The following NBPF14 variants were observed in gnomAD, a reference collection of about 807,000 sequenced individuals.
NBPF14 encodes the protein NBPF member 14.
A neutral mutation model predicts 91.2 loss-of-function variants in NBPF14; 104 were observed. The observed-to-expected ratio is 1.14, with a 90% CI of 0.97 to 1.34. The LOEUF (loss-of-function observed/expected upper bound fraction) is 1.34, where lower values mean the gene tolerates loss of function less well. Ranked by LOEUF, NBPF14 falls within the 40% of genes most tolerant of loss-of-function variation. NBPF14 has a pLI of 0.00. For missense variants in NBPF14, 908 were observed against 783.0 expected, an observed-to-expected ratio of 1.16 and a Z score of -1.91; for synonymous variants, 294 against 303.8, an observed-to-expected ratio of 0.97 and a Z score of 0.34.
intron 25 of NBPF14, 46 bp from the exon 26 acceptor site, chr1:148,568,579 TAA>T (rs1658657077): frequency 5.0e-5 from 7 of 140,158 alleles, no homozygotes; most frequent in Middle Eastern, 3.7e-3. Flanking sequence ...CTGGTTCTCC[TAA>T]ACACACATAA....
chr1:148,534,690 C>A (rs1347398943), exon 69 of NBPF14: 16 of 817,172 alleles, frequency 2.0e-5, no homozygotes, highest in Admixed American at 1.2e-4. Context: ...TCACTGTCCA[C>A]GTCAAGAGCC....
In NBPF14 at chr1:148,566,369, A is replaced by T. The variant is rs1246556622; in HGVS notation, c.3543-54T>A. On this transcript the variant is annotated intron_variant, in intron 28 of 70. Transcript: ENST00000619423. ...AGCCAGGGGAAATCAGACACAACAGAGCCTCAACTAGGTTTCATGGGTAGC... is the reference window on the plus strand; with the variant it reads ...AGCCAGGGGAAATCAGACACAACAGTGCCTCAACTAGGTTTCATGGGTAGC... The T allele has an allele frequency of 2.8e-5, 21 of 750,164 alleles. 3 individuals are homozygous for T. The highest frequency in any genetic ancestry group is 1.7e-4 in the South Asian group (12 of 71,464). 46.5% of individuals were successfully genotyped at this position (750,164 alleles called of 1,614,324 possible).
rs1217912428 is a variant in NBPF14, at chr1:148,535,182, G to T, written c.8441+271C>A. On this transcript the variant is annotated intron_variant, in intron 68 of 70. Coordinates refer to ENST00000619423, the Ensembl canonical transcript of NBPF14. Reference sequence around the variant, plus strand: ...GCGAACAGTGATCATGAAAAGAGGGGGCTCAATAATTTTCCATAAACTTGC... The same window carrying T: ...GCGAACAGTGATCATGAAAAGAGGGTGCTCAATAATTTTCCATAAACTTGC... Among the ~76,000 whole-genome samples the T allele has an allele frequency of 5.0e-3, 736 of 147,512 alleles. 3 individuals carry two copies. Among genetic ancestry groups the T allele is most frequent in the Middle Eastern group, 0.024 (7 of 286 alleles).
chr1:148,532,274 A>G (rs1368865799), exon 71 of NBPF14: 2 of 152,146 alleles, frequency 1.3e-5, no homozygotes, highest in African/African-American at 2.4e-5. Context: ...CTGCAAGAAC[A>G]TGGCATTGTT....
intron 59 of NBPF14, among the ~76,000 whole-genome samples, chr1:148,542,133 C>T (rs1401725002): frequency 2.5e-4 from 26 of 104,828 alleles, no homozygotes; most frequent in African/African-American, 4.9e-4. Context: ...AAAGCATATA[C>T]CCTCAAATGA....
rs1230129310 is a variant in NBPF14, at chr1:148,566,504, GAC to G, written c.3543-191_3543-190del. 1.9e-5 allele frequency among the ~76,000 whole-genome samples: 2 copies of G among 107,266 alleles called. 1 individual carries two copies. The highest frequency in any genetic ancestry group is 3.7e-5 in the Non-Finnish European group (2 of 53,566). 70.4% of individuals were successfully genotyped at this position (107,266 alleles called of 152,430 possible). ...CAAATGGAAAAGAATGAAAGAGAAA[GAC>G]AGACACACACACACACACACACACA... On this transcript the variant is annotated intron_variant, in intron 28 of 70. Transcript: ENST00000619423.
At chr1:148,589,718 T>A (rs1662125121) in intron 6 of NBPF14, among the ~76,000 whole-genome samples, 1 of 135,960 alleles carries the variant, frequency 7.4e-6, no homozygotes, top group Non-Finnish European at 1.6e-5. Context: ...GCTTTTTTAA[T>A]TTTTTTCTTT....
chr1:148,562,093 T>G (rs1657935934), intron 34 of NBPF14, 143 bp downstream of exon 34: 1 of 209,926 alleles, frequency 4.8e-6, no homozygotes, highest in Non-Finnish European at 8.0e-6. Context: ...TCTACTGCAA[T>G]GAAAACCAAC....
chr1:148,572,856 A>G (rs1240144120), intron 20 of NBPF14, among the ~76,000 whole-genome samples: 2 of 33,332 alleles, frequency 6.0e-5, no homozygotes, highest in Non-Finnish European at 1.1e-4. Context: ...AAAGTGACCT[A>G]GTGAATTGGC....
At chr1:148,535,018 C>A (rs1260873283) in intron 68 of NBPF14, among the ~76,000 whole-genome samples, 162 bp from the exon 69 acceptor site, 1 of 146,578 alleles carries the variant, frequency 6.8e-6, no homozygotes, top group Non-Finnish European at 1.5e-5. Context: ...TAGACCAGGG[C>A]CAGGTAGAAA....
In NBPF14 at chr1:148,586,836, T is replaced by C. The variant is rs1423879283; in HGVS notation, c.1092-367A>G. ...CTTGCGGCCACTAGATACAAAGCCA[T>C]GTACAGAAATGAGGCCAGGTGCAGA... On this transcript the variant is annotated intron_variant, in intron 8 of 70. Transcript: ENST00000619423. 6.7e-5 allele frequency among the ~76,000 whole-genome samples: 9 copies of C among 135,212 alleles called. 1 individual carries two copies. Among genetic ancestry groups the C allele is most frequent in the African/African-American group, 1.3e-4 (5 of 37,332 alleles). 88.7% of individuals were successfully genotyped at this position (135,212 alleles called of 152,430 possible). A position where few individuals can be genotyped will look rare whatever the true frequency, so the allele number is the denominator to read the frequency against.
intron 70 of NBPF14, 29 bp downstream of exon 70, chr1:148,533,832 A>G (rs1233183772): frequency 2.6e-6 from 2 of 766,950 alleles, no homozygotes; most frequent in Admixed American, 1.7e-5. Flanking sequence ...TTAACACAGA[A>G]CTAAGGATCC....
At chr1:148,533,898 T>C in exon 70 of NBPF14, 1 of 756,308 alleles carries the variant, frequency 1.3e-6, no homozygotes, top group Non-Finnish European at 2.4e-6. Flanking sequence ...TCCCCTTCTT[T>C]TCTTCCCCTT....
At chr1:148,592,655 G>T (rs1447752902) in exon 4 of NBPF14, 1 of 1,588,512 alleles carries the variant, frequency 6.3e-7, no homozygotes, top group Admixed American at 1.7e-5. Flanking sequence ...ACGGAGTGAG[G>T]AGGGCCTGGA....
intron 47 of NBPF14, among the ~76,000 whole-genome samples, chr1:148,551,766 C>T (rs1656247607): frequency 5.2e-5 from 1 of 19,066 alleles, no homozygotes; most frequent in Non-Finnish European, 8.4e-5. Flanking sequence ...ACAGGTATGG[C>T]CTGAGACTAG....
chr1:148,533,924 G>C lies in NBPF14; in HGVS notation c.8660C>G (p.Ser2887Ter), dbSNP rs781887864. 8 of 746,666 alleles carry C rather than the reference G, an allele frequency of 1.1e-5. No individual in the cohort carries two copies. The highest frequency in any genetic ancestry group is 9.1e-5 in the Admixed American group (5 of 54,668). The allele number at this position is 746,666 out of a possible 1,614,324, so 46.3% of individuals were successfully genotyped here. The change falls in exon 70 of 71, where the codon TCA becomes TGA. Residue 2887 changes from serine to a stop codon, truncating the protein, a stop_gained. Coordinates refer to ENST00000619423, the Ensembl canonical transcript of NBPF14. LOFTEE classifies it high-confidence loss of function. ...TCTTCCCCTTCTTCTTTCCTTCTTT[G>C]ATCTTCTTCCCCTTCTTTTTTTCCC...
intron 14 of NBPF14, among the ~76,000 whole-genome samples, chr1:148,577,658 C>T (rs1570995113): frequency 6.7e-6 from 1 of 148,742 alleles, no homozygotes; most frequent in Non-Finnish European, 1.5e-5. Context: ...TGTATTTGTG[C>T]TCTCAGGACA....
At chr1:148,576,036 G>A (rs1395280567) in intron 16 of NBPF14, among the ~76,000 whole-genome samples, 1 of 147,874 alleles carries the variant, frequency 6.8e-6, no homozygotes, top group Non-Finnish European at 1.5e-5. Context: ...AGGAGAAAGT[G>A]AGCTCAGCGA....
rs1658376699 is a variant in NBPF14 at position 148,566,523 on chromosome 1, AC to A, written c.3543-209del. ...GAGAAAGACAGACACACACACACAC[AC>A]ACACACACACACACACAAACACACA... On this transcript the variant is annotated intron_variant, in intron 28 of 70. Transcript: ENST00000619423. 3.3e-3 allele frequency among the ~76,000 whole-genome samples: 429 copies of A among 130,846 alleles called. 23 individuals carry two copies. The highest frequency in any genetic ancestry group is 0.011 in the African/African-American group (414 of 38,692). The allele number at this position is 130,846 out of a possible 152,430, so 85.8% of individuals were successfully genotyped here.
Sources: allele counts gnomAD v4.1 joint callset (sites outside exome capture counted in the v4.1 genomes callset), GRCh38; gene constraint gnomAD v4.1.1; transcripts MANE v1.5; gene names NCBI Gene and HGNC (gene_info 2026-07-23, HGNC 2026-07-21).